SHANK2: variants seen among roughly 807,000 people sequenced by gnomAD.
SHANK2 encodes SH3 and multiple ankyrin repeat domains protein 2.
In SHANK2, 43 loss-of-function variants were observed where a neutral mutation model predicts 133.7. The ratio of observed to expected loss-of-function variants is 0.32; its 90% CI spans 0.25 to 0.41. The LOEUF is 0.41. Ranked by LOEUF, SHANK2 falls within the 10% of genes least tolerant of loss-of-function variation. The probability of loss-of-function intolerance (pLI) is 1.00; values close to 1 mark genes in which losing one functional copy is unlikely to be tolerated. For synonymous variants in SHANK2, 1,017 were observed against 952.8 expected, an observed-to-expected ratio of 1.07 and a Z score of -1.24; for missense variants, 1,994 against 2,235.8, an observed-to-expected ratio of 0.89 and a Z score of 2.18.
intron 2 of SHANK2, among the ~76,000 whole-genome samples, chr11:71,171,760 C>A (rs1953317939): frequency 6.6e-6 from 1 of 152,186 alleles, no homozygotes. Context: ...GTTCCTTAGT[C>A]CAGTCGAAAG....
chr11:70,887,475 C>T (rs1437169028), intron 11 of SHANK2, among the ~76,000 whole-genome samples: 1 of 152,010 alleles, frequency 6.6e-6, no homozygotes, highest in Non-Finnish European at 1.5e-5. Context: ...AGGCTGAAAC[C>T]TCTCTTTTAA....
chr11:70,886,301 G>T (rs1370926286), intron 11 of SHANK2, among the ~76,000 whole-genome samples: 5 of 152,170 alleles, frequency 3.3e-5, no homozygotes, highest in African/African-American at 1.2e-4. Context: ...ATGGGAATCT[G>T]GTCAACAGCT....
chr11:70,570,207 C>T (rs572499876), intron 17 of SHANK2, among the ~76,000 whole-genome samples: 2 of 152,328 alleles, frequency 1.3e-5, no homozygotes, highest in South Asian at 2.1e-4. Context: ...GCGGCCACGC[C>T]GACCCGCAGG....
intron 11 of SHANK2, among the ~76,000 whole-genome samples, chr11:70,843,413 C>T (rs760873897): frequency 2.0e-5 from 3 of 147,772 alleles, no homozygotes; most frequent in Admixed American, 1.3e-4. Context: ...GGATGGCTGG[C>T]GCTGTAGACA....
Position 70,718,276 on chromosome 11 carries a change from C to A in SHANK2, c.1778-19513G>T, listed in dbSNP as rs117365386. Among the ~76,000 whole-genome samples the A allele has an allele frequency of 3.3e-4, 50 of 152,336 alleles. No individual in the cohort carries two copies. In the East Asian group the frequency reaches 9.6e-3, roughly 29 times the overall value. The stretch of plus-strand genomic sequence containing the variant: ...GGCTTGGTGTTTCCTCGGTCTTGGC[C>A]GTTCAGAGCCCTGCTTTCTGTGAAG... On this transcript the variant is annotated intron_variant, in intron 14 of 25. Transcript: ENST00000601538.
At chr11:70,612,642 C>T (rs1198783240) in intron 17 of SHANK2, among the ~76,000 whole-genome samples, 2 of 152,204 alleles carry the variant, frequency 1.3e-5, no homozygotes, top group Non-Finnish European at 2.9e-5. Context: ...CCCCCAGCGG[C>T]CCCCGGCAGC....
intron 15 of SHANK2, among the ~76,000 whole-genome samples, chr11:70,679,130 C>T (rs565588587): frequency 1.9e-4 from 29 of 152,352 alleles, no homozygotes; most frequent in East Asian, 5.8e-4. Context: ...CTGACCGCAA[C>T]GCTGGGCTCT....
chr11:70,837,451 C>T (rs1304038067), intron 11 of SHANK2, among the ~76,000 whole-genome samples: 15 of 152,188 alleles, frequency 9.9e-5, no homozygotes, highest in African/African-American at 2.4e-4. Flanking sequence ...TCATGGTCAA[C>T]GCATGAGGAG....
At chr11:70,504,151 A>G (rs1294851517) in intron 17 of SHANK2, among the ~76,000 whole-genome samples, 11 of 152,244 alleles carry the variant, frequency 7.2e-5, no homozygotes, top group African/African-American at 2.7e-4. Flanking sequence ...CCAAGACGTC[A>G]TGCCCCTCAC....
intron 2 of SHANK2, among the ~76,000 whole-genome samples, chr11:71,211,642 CAAAAAAAAA>C (rs35529960): frequency 1.7e-5 from 2 of 117,986 alleles, no homozygotes; most frequent in African/African-American, 5.9e-5. Flanking sequence ...TGAGCATTTG[CAAAAAAAAA>C]AAAAAAAAAT....
At chr11:71,211,281 G>A (rs1555118857) in intron 2 of SHANK2, among the ~76,000 whole-genome samples, 1 of 141,964 alleles carries the variant, frequency 7.0e-6, no homozygotes, top group African/African-American at 2.7e-5. Flanking sequence ...ATGTAACTCA[G>A]TGCTCCCAGC....
intron 2 of SHANK2, among the ~76,000 whole-genome samples, chr11:71,205,324 T>C (rs1363675744): frequency 6.6e-6 from 1 of 152,218 alleles, no homozygotes; most frequent in African/African-American, 2.4e-5. Context: ...TGCCTCTCTC[T>C]GGTCAGAGGG....
chr11:71,140,915 G>A (rs555591070), intron 3 of SHANK2, among the ~76,000 whole-genome samples: 1 of 152,208 alleles, frequency 6.6e-6, no homozygotes, highest in African/African-American at 2.4e-5. Flanking sequence ...CCAAGCAGTT[G>A]GTGGCACACC....
chr11:71,129,340 T>C (rs1160148389), intron 3 of SHANK2, among the ~76,000 whole-genome samples: 20 of 152,192 alleles, frequency 1.3e-4, no homozygotes, highest in Non-Finnish European at 2.9e-5. Flanking sequence ...TCTGCAGAGC[T>C]GTAAGTTACA....
chr11:70,916,147 C>A lies in SHANK2; in HGVS notation c.1108-19580G>T, dbSNP rs186131960. On this transcript the variant is annotated intron_variant, in intron 10 of 25. Coordinates refer to ENST00000601538, the MANE Select transcript of SHANK2 (RefSeq NM_012309.5). ...TGGTTTGCCCAAAGCCATTCTAAACCGGGCAATGTGTCTACCTGTGAATCC... is the reference window on the plus strand; with the variant it reads ...TGGTTTGCCCAAAGCCATTCTAAACAGGGCAATGTGTCTACCTGTGAATCC... Among the ~76,000 whole-genome samples, 73 of 152,290 alleles carry A rather than the reference C, an allele frequency of 4.8e-4. 1 individual carries two copies. In the East Asian group the frequency reaches 5.2e-3, roughly 11 times the overall value.
chr11:70,856,142 GTGGA>G (rs1949168133), intron 11 of SHANK2, among the ~76,000 whole-genome samples: 2 of 151,226 alleles, frequency 1.3e-5, no homozygotes, highest in African/African-American at 2.4e-5. Context: ...GGATGGATGG[GTGGA>G]TGGATGGATG....
intron 17 of SHANK2, among the ~76,000 whole-genome samples, chr11:70,637,967 C>T (rs1016133134): frequency 6.6e-6 from 1 of 152,186 alleles, no homozygotes; most frequent in Non-Finnish European, 1.5e-5. Flanking sequence ...CACAGGTTCT[C>T]GGGGAATGCT....
rs551952722 is a variant in SHANK2 at position 71,148,177 on chromosome 11, C to T, written c.-12-839G>A. Among the ~76,000 whole-genome samples the T allele has an allele frequency of 9.2e-5, 14 of 152,040 alleles. No individual in the cohort carries two copies. The East Asian group carries it at 2.3e-3, about 25-fold the overall frequency. ...TCGGCTCACCGCAACCTCCGCCTCC[C>T]GGGTTCAGACGATTCTCCTGCCTCA... On this transcript the variant is annotated intron_variant, in intron 2 of 25. Transcript: ENST00000601538.
At chr11:70,653,278 T>A (rs2061360189) in intron 17 of SHANK2, among the ~76,000 whole-genome samples, 1 of 152,074 alleles carries the variant, frequency 6.6e-6, no homozygotes. Context: ...CGGCCTGGAC[T>A]TCATTTTCTT....
Sources: gnomAD v4.1 joint callset for allele counts (sites outside exome capture counted in the v4.1 genomes callset) on GRCh38, gnomAD v4.1.1 for gene constraint, MANE v1.5 for transcripts, NCBI Gene and HGNC (gene_info 2026-07-23, HGNC 2026-07-21) for gene names.